ZNF131: variants seen among roughly 807,000 people sequenced by gnomAD.
The protein encoded by ZNF131 is zinc finger protein 131.
ZNF131 carries 7 observed loss-of-function variants against 60.0 expected under a neutral mutation model. The ratio of observed to expected loss-of-function variants is 0.12; its 90% CI spans 0.07 to 0.22. The LOEUF (loss-of-function observed/expected upper bound fraction) is 0.22, where lower values mean the gene tolerates loss of function less well. Ranked by LOEUF, ZNF131 falls within the 10% of genes least tolerant of loss-of-function variation. The pLI is 1.00. For missense variants in ZNF131, 493 were observed against 740.9 expected, an observed-to-expected ratio of 0.67 and a Z score of 3.88; for synonymous variants, 257 against 253.2, an observed-to-expected ratio of 1.01 and a Z score of -0.14.
intron 3 of ZNF131, among the ~76,000 whole-genome samples, chr5:43,134,411 G>T (rs1368465221): frequency 6.6e-6 from 1 of 152,124 alleles, no homozygotes; most frequent in Non-Finnish European, 1.5e-5. Flanking sequence ...ATACTCAACG[G>T]TGAAAAACTG....
At chr5:43,132,598 C>T (rs781336903) in intron 3 of ZNF131, among the ~76,000 whole-genome samples, 3 of 150,714 alleles carry the variant, frequency 2.0e-5, no homozygotes, top group Non-Finnish European at 4.4e-5. Context: ...CTAACTTCCA[C>T]CTCCTGGGTT....
chr5:43,134,425 C>A (rs544934856), intron 3 of ZNF131, among the ~76,000 whole-genome samples: 45 of 152,252 alleles, frequency 3.0e-4, no homozygotes, highest in African/African-American at 1.0e-3. Context: ...AAAACTGACA[C>A]TTTTTTCTCT....
rs753875438 is a variant in ZNF131, at chr5:43,161,420, T to C, written c.543T>C (p.Asp181=). 37 of 1,614,250 alleles carry C rather than the reference T, an allele frequency of 2.3e-5. No homozygotes were observed. The highest frequency in any genetic ancestry group is 3.0e-5 in the Non-Finnish European group (35 of 1,180,042). Residue 181 remains aspartate (D), a synonymous_variant, in exon 5 of 7, where the codon GAT becomes GAC. Coordinates refer to ENST00000682664, the MANE Select transcript of ZNF131 (RefSeq NM_001330707.2). Reference sequence around the variant, plus strand: ...CCGAAGGCACCATTGAAGTGGAAGATGAAGGCATCGAAACATTAGAGGAAG... The same window carrying C: ...CCGAAGGCACCATTGAAGTGGAAGACGAAGGCATCGAAACATTAGAGGAAG... ...EIAEGTIEVE[D]EGIETLEEVA... is the part of the protein sequence containing the mutation.
intron 4 of ZNF131, among the ~76,000 whole-genome samples, chr5:43,147,550 T>G (rs1747763326): frequency 6.6e-6 from 1 of 151,276 alleles, no homozygotes. Context: ...CCGGAGTAGC[T>G]GGGACTACAG....
chr5:43,127,376 G>A (rs1025307803), intron 3 of ZNF131, among the ~76,000 whole-genome samples: 2 of 152,138 alleles, frequency 1.3e-5, no homozygotes, highest in African/African-American at 2.4e-5. Context: ...TGTAGGTTGT[G>A]GTCTGAGGAC....
chr5:43,171,922 C>G lies in ZNF131; in HGVS notation c.1055-1396C>G, dbSNP rs577166469. ...GGTGTGAGCCACCGCCCCGGGCCAG[C>G]CGTTTTATTTTTAAATAGAGATGGG... is the stretch of plus-strand genomic sequence containing the variant. On this transcript the variant is annotated intron_variant, in intron 5 of 6. Transcript: ENST00000682664. 1.6e-4 allele frequency among the ~76,000 whole-genome samples: 25 copies of G among 152,222 alleles called. No individual in the cohort carries two copies. In the South Asian group the frequency reaches 2.3e-3, roughly 14 times the overall value.
At chr5:43,130,264 C>CAAAAAAAAAA (rs570313526) in intron 3 of ZNF131, among the ~76,000 whole-genome samples, 1,269 of 68,042 alleles carry the variant, frequency 0.019, 149 homozygotes, top group East Asian at 0.13. Flanking sequence ...ACTCTGTCTC[C>CAAAAAAAAAA]AAAAAAAAAA....
intron 3 of ZNF131, among the ~76,000 whole-genome samples, chr5:43,133,120 A>C (rs1485506942): frequency 6.6e-6 from 1 of 152,184 alleles, no homozygotes; most frequent in African/African-American, 2.4e-5. Context: ...CTTTAGGACT[A>C]AATTTTAAAC....
chr5:43,168,678 T>C (rs551759251), intron 5 of ZNF131, among the ~76,000 whole-genome samples: 7 of 152,212 alleles, frequency 4.6e-5, no homozygotes, highest in Non-Finnish European at 1.0e-4. Context: ...CAGATTGATA[T>C]TCTAGAGAGA....
At chr5:43,157,643 G>A (rs1749124008) in intron 4 of ZNF131, among the ~76,000 whole-genome samples, 1 of 152,144 alleles carries the variant, frequency 6.6e-6, no homozygotes, top group Admixed American at 6.5e-5. Context: ...GTTTCCTAAA[G>A]CTACTACTGT....
chr5:43,143,526 CTTA>C (rs1193417096), intron 4 of ZNF131: 6 of 676,048 alleles, frequency 8.9e-6, no homozygotes, highest in African/African-American at 1.9e-5. Context: ...GACATCGTTT[CTTA>C]TTGTTGTTAC....
At chr5:43,172,796 A>C (rs1049770453) in intron 5 of ZNF131, among the ~76,000 whole-genome samples, 1 of 151,946 alleles carries the variant, frequency 6.6e-6, no homozygotes, top group Non-Finnish European at 1.5e-5. Flanking sequence ...TGCAATACAT[A>C]TTCCATCGCT....
intron 5 of ZNF131, among the ~76,000 whole-genome samples, chr5:43,162,327 C>T (rs563447212): frequency 1.2e-4 from 19 of 152,290 alleles, no homozygotes; most frequent in African/African-American, 4.3e-4. Context: ...CGCGGTGGCT[C>T]ATGCCTGTAA....
chr5:43,149,077 C>G (rs1193157996), intron 4 of ZNF131, among the ~76,000 whole-genome samples: 3 of 152,124 alleles, frequency 2.0e-5, no homozygotes, highest in Non-Finnish European at 4.4e-5. Flanking sequence ...GTCAGGAGTT[C>G]AAGACCAGCC....
At chr5:43,145,052 A>G (rs17243165) in intron 4 of ZNF131, among the ~76,000 whole-genome samples, 14,455 of 151,486 alleles carry the variant, frequency 0.095, 911 homozygotes, top group East Asian at 0.19. Context: ...ATAGTCTCCA[A>G]CCTCTCTGAG....
intron 4 of ZNF131, among the ~76,000 whole-genome samples, chr5:43,141,501 C>G (rs1746817523): frequency 6.6e-6 from 1 of 152,140 alleles, no homozygotes; most frequent in South Asian, 2.1e-4. Context: ...GGCGCAGTGG[C>G]TGATACTTGT....
At chr5:43,171,553 C>T (rs765302877) in intron 5 of ZNF131, among the ~76,000 whole-genome samples, 6 of 151,930 alleles carry the variant, frequency 3.9e-5, no homozygotes, top group Admixed American at 6.6e-5. Context: ...AGCGAAACTC[C>T]GTCTGAAAAA....
intron 6 of ZNF131, among the ~76,000 whole-genome samples, chr5:43,174,204 G>C (rs1273412827): frequency 6.6e-6 from 1 of 152,152 alleles, no homozygotes. Flanking sequence ...CTCCAGCCTG[G>C]GCAACAAGAG....
At chr5:43,128,499 CAAA>C (rs1249445739) in intron 3 of ZNF131, among the ~76,000 whole-genome samples, 2 of 151,100 alleles carry the variant, frequency 1.3e-5, no homozygotes, top group Non-Finnish European at 3.0e-5. Context: ...ACTAAAAATA[CAAA>C]AAAAATTAGC....
Sources: allele counts gnomAD v4.1 joint callset (sites outside exome capture counted in the v4.1 genomes callset), GRCh38; gene constraint gnomAD v4.1.1; transcripts MANE v1.5; gene names NCBI Gene and HGNC (gene_info 2026-07-23, HGNC 2026-07-21).